The following VAMP7 variants were observed in gnomAD, a reference collection of about 807,000 sequenced individuals.
VAMP7 encodes the protein vesicle associated membrane protein 7.
A neutral mutation model predicts 29.6 loss-of-function variants in VAMP7; 14 were observed. The observed-to-expected ratio is 0.47, with a 90% confidence interval of 0.31 to 0.74. The LOEUF is 0.74. Ranked by LOEUF, VAMP7 falls within the 30% of genes least tolerant of loss-of-function variation. The pLI, the probability that VAMP7 is intolerant of heterozygous loss-of-function variation, is 0.05. For synonymous variants in VAMP7, 95 were observed against 88.1 expected (o/e 1.08, Z -0.44); for missense variants, 223 against 262.4 (o/e 0.85, Z 1.04).
Position 155,889,625 on chromosome X carries a change from C to T in VAMP7, c.146+13C>T. ...ACTCACATGGCAAGTGAGTTCTGTT[C>T]TGCATGTGGTAAGGGATGAAAGAAG... is the stretch of plus-strand genomic sequence containing the variant. On this transcript the variant is annotated intron_variant, in intron 2 of 7. Transcript: ENST00000286448. 1 of 1,613,378 alleles carries T rather than the reference C, an allele frequency of 6.2e-7. No individual in the cohort carries two copies. The highest frequency in any genetic ancestry group is 8.5e-7 in the Non-Finnish European group (1 of 1,179,606).
chrX:155,932,932 A>G (rs2066585540), intron 6 of VAMP7, among the ~76,000 whole-genome samples: 1 of 152,128 alleles, frequency 6.6e-6, no homozygotes, highest in Admixed American at 6.5e-5. Context: ...AATTTTGTCA[A>G]AGGCCTTTTC....
Position 155,941,895 on chromosome X carries a change from A to G in VAMP7, c.607A>G (p.Ile203Val). 3 of 1,613,788 alleles carry G rather than the reference A, an allele frequency of 1.9e-6. No individual in the cohort carries two copies. The highest frequency in any genetic ancestry group is 1.7e-6 in the Non-Finnish European group (2 of 1,179,774). Residue 203 changes from isoleucine to valine, a missense_variant, in exon 8 of 8, where the codon ATC (isoleucine) becomes GTC (valine). Coordinates refer to ENST00000286448, the MANE Select transcript of VAMP7 (RefSeq NM_005638.6). ...CTCGTCCCTCCAGGTGTTCATCTAT[A>G]TCATTGTTTCACCTCTCTGTGGTGG... ...IIIVSIVFIY[I>V]IVSPLCGGFT...
intron 5 of VAMP7, among the ~76,000 whole-genome samples, chrX:155,910,915 T>C (rs759114464): frequency 6.6e-6 from 1 of 152,330 alleles, no homozygotes; most frequent in Admixed American, 6.5e-5. Flanking sequence ...TTATTTCCTT[T>C]GCTGTGCAAA....
chrX:155,938,936 C>T (rs1288000516), intron 6 of VAMP7, among the ~76,000 whole-genome samples: 1 of 152,158 alleles, frequency 6.6e-6, no homozygotes, highest in Non-Finnish European at 1.5e-5. Context: ...TGTGAATTGT[C>T]ATTACTGTAT....
At chrX:155,932,737 C>G (rs1343810483) in intron 6 of VAMP7, among the ~76,000 whole-genome samples, 1 of 152,182 alleles carries the variant, frequency 6.6e-6, no homozygotes, top group Non-Finnish European at 1.5e-5. Flanking sequence ...GAACTTCCAA[C>G]ACTATGTTGA....
At chrX:155,906,615 G>A (rs191099771) in intron 5 of VAMP7, among the ~76,000 whole-genome samples, 62 of 151,992 alleles carry the variant, frequency 4.1e-4, no homozygotes, top group African/African-American at 1.5e-3. Flanking sequence ...TTTTCGGATT[G>A]TTCAGTACTA....
At chrX:155,926,182 A>T (rs760139904) in intron 6 of VAMP7, among the ~76,000 whole-genome samples, 14 of 152,186 alleles carry the variant, frequency 9.2e-5, no homozygotes, top group Admixed American at 2.0e-4. Flanking sequence ...TTGGTCCCTA[A>T]TAAAAGTCAG....
intron 5 of VAMP7, among the ~76,000 whole-genome samples, chrX:155,908,430 T>C (rs2124307473): frequency 6.6e-6 from 1 of 152,128 alleles, no homozygotes. Context: ...GTGGCAGCAC[T>C]CGGCAGGCTG....
intron 6 of VAMP7, among the ~76,000 whole-genome samples, chrX:155,930,695 T>A (rs1015391317): frequency 6.7e-6 from 1 of 149,010 alleles, no homozygotes. Flanking sequence ...TTTTATTTTT[T>A]ATTTTTTTTA....
At chrX:155,891,144 A>G (rs184773971) in intron 2 of VAMP7, among the ~76,000 whole-genome samples, 51 of 152,292 alleles carry the variant, frequency 3.3e-4, no homozygotes, top group African/African-American at 1.1e-3. Context: ...TGTTCACTAC[A>G]CAGTCATGTA....
At chrX:155,941,752 T>C in intron 7 of VAMP7, 131 bp from the exon 8 acceptor site, 1 of 1,114,060 alleles carries the variant, frequency 9.0e-7, no homozygotes, top group East Asian at 2.6e-5. Flanking sequence ...TTTAGTGTGT[T>C]CCATTACTAC....
At chrX:155,921,799 T>G (rs1272454251) in intron 6 of VAMP7, among the ~76,000 whole-genome samples, 2 of 152,062 alleles carry the variant, frequency 1.3e-5, no homozygotes, top group East Asian at 3.9e-4. Context: ...TTAGGTGCTT[T>G]GCATTTCCAT....
rs761502433 is a variant in VAMP7 at position 155,942,155 on chromosome X, A to G, written c.*204A>G. ...ATTCCTGTGAACTTCAGATTGAACC[A>G]TTCATTGCAGCAGTAGCCTTAAAAA... On this transcript the variant is annotated 3_prime_UTR_variant, in exon 8 of 8. Coordinates refer to ENST00000286448, the MANE Select transcript of VAMP7 (RefSeq NM_005638.6). 6 of 1,550,112 alleles carry G rather than the reference A, an allele frequency of 3.9e-6. No individual in the cohort carries two copies. The highest frequency in any genetic ancestry group is 8.7e-7 in the Non-Finnish European group (1 of 1,145,864).
At chrX:155,927,982 G>A (rs947276032) in intron 6 of VAMP7, among the ~76,000 whole-genome samples, 3 of 151,924 alleles carry the variant, frequency 2.0e-5, no homozygotes, top group Non-Finnish European at 4.4e-5. Context: ...GCAGTGGCAC[G>A]ATCACAGCTT....
intron 4 of VAMP7, 29 bp from the exon 5 acceptor site, chrX:155,900,468 A>AGT: frequency 6.5e-7 from 1 of 1,543,084 alleles, no homozygotes; most frequent in Non-Finnish European, 8.8e-7. Context: ...ATGTCTAGGT[A>AGT]CCATAAGTTA....
At chrX:155,881,538 G>C (rs1258738875) in intron 1 of VAMP7, 90 bp downstream of exon 1, 3 of 152,786 alleles carry the variant, frequency 2.0e-5, no homozygotes, top group African/African-American at 7.2e-5. Context: ...GGGGTGGAGC[G>C]AGGAGGCAGT....
chrX:155,898,440 T>C (rs985308245), intron 4 of VAMP7, among the ~76,000 whole-genome samples, 191 bp downstream of exon 4: 1 of 151,984 alleles, frequency 6.6e-6, no homozygotes, highest in Non-Finnish European at 1.5e-5. Context: ...AGTGATAGTC[T>C]TTATTATCTC....
At chrX:155,940,679 T>A (rs1971904326) in intron 7 of VAMP7, among the ~76,000 whole-genome samples, 1 of 152,184 alleles carries the variant, frequency 6.6e-6, no homozygotes, top group African/African-American at 2.4e-5. Context: ...AAAGGTGTTG[T>A]CACCTAACGA....
intron 6 of VAMP7, among the ~76,000 whole-genome samples, chrX:155,935,723 C>A (rs1307234610): frequency 6.6e-6 from 1 of 152,252 alleles, no homozygotes; most frequent in Non-Finnish European, 1.5e-5. Flanking sequence ...TCTCTGTCTA[C>A]CTTTGTTCTG....
Sources: gnomAD v4.1 joint callset for allele counts (sites outside exome capture counted in the v4.1 genomes callset) on GRCh38, gnomAD v4.1.1 for gene constraint, MANE v1.5 for transcripts, NCBI Gene and HGNC (gene_info 2026-07-23, HGNC 2026-07-21) for gene names.